The following PRKCA variants were observed in gnomAD, a reference collection of about 807,000 sequenced individuals.
PRKCA encodes protein kinase C alpha type.
A neutral mutation model predicts 87.0 loss-of-function variants in PRKCA; 27 were observed. The observed-to-expected ratio is 0.31, with a 90% CI of 0.23 to 0.43. PRKCA has a LOEUF of 0.43. Among genes scored for constraint, PRKCA ranks in the 20% least tolerant of loss-of-function variants. PRKCA has a pLI of 1.00. For synonymous variants in PRKCA, 329 were observed against 311.1 expected, an observed-to-expected ratio of 1.06 and a Z score of -0.61; for missense variants, 518 against 852.3, an observed-to-expected ratio of 0.61 and a Z score of 4.88.
At chr17:66,581,662 A>G (rs961186722) in intron 3 of PRKCA, among the ~76,000 whole-genome samples, 7 of 152,058 alleles carry the variant, frequency 4.6e-5, no homozygotes, top group African/African-American at 1.4e-4. Context: ...TTTTTAATAG[A>G]GATAGGGTTT....
intron 14 of PRKCA, among the ~76,000 whole-genome samples, chr17:66,782,415 G>A (rs1005749790): frequency 6.6e-6 from 1 of 152,132 alleles, no homozygotes; most frequent in South Asian, 2.1e-4. Flanking sequence ...CTATACCCAA[G>A]AACAGCCCCC....
At chr17:66,705,774 A>G (rs1973177421) in intron 8 of PRKCA, among the ~76,000 whole-genome samples, 1 of 152,210 alleles carries the variant, frequency 6.6e-6, no homozygotes, top group Non-Finnish European at 1.5e-5. Context: ...TGGCACTAGC[A>G]TGAACATGGC....
chr17:66,586,354 T>C (rs541624221), intron 3 of PRKCA, among the ~76,000 whole-genome samples: 2 of 152,226 alleles, frequency 1.3e-5, no homozygotes, highest in African/African-American at 4.8e-5. Context: ...AACTATTAAC[T>C]GAAAGATCTT....
At chr17:66,722,170 A>G (rs1173177452) in intron 8 of PRKCA, among the ~76,000 whole-genome samples, 2 of 152,252 alleles carry the variant, frequency 1.3e-5, no homozygotes, top group Non-Finnish European at 2.9e-5. Flanking sequence ...CTGATTTTCC[A>G]TATAGTGTAT....
intron 8 of PRKCA, among the ~76,000 whole-genome samples, chr17:66,702,386 C>T (rs533934328): frequency 6.6e-6 from 1 of 152,190 alleles, no homozygotes; most frequent in Non-Finnish European, 1.5e-5. Flanking sequence ...GTCAAACTCA[C>T]AGAAACAGAA....
chr17:66,484,541 A>C (rs933572140), intron 2 of PRKCA, among the ~76,000 whole-genome samples: 3 of 152,210 alleles, frequency 2.0e-5, no homozygotes, highest in Non-Finnish European at 4.4e-5. Context: ...TTTTCTGACC[A>C]GCTCTTTGTC....
At chr17:66,417,422 A>G (rs1370631313) in intron 2 of PRKCA, among the ~76,000 whole-genome samples, 1 of 152,020 alleles carries the variant, frequency 6.6e-6, no homozygotes, top group Non-Finnish European at 1.5e-5. Flanking sequence ...CTGGATTATC[A>G]TCTTTGGTTC....
intron 2 of PRKCA, among the ~76,000 whole-genome samples, chr17:66,476,378 G>A (rs2099478429): frequency 6.6e-6 from 1 of 152,202 alleles, no homozygotes; most frequent in African/African-American, 2.4e-5. Flanking sequence ...AGCACTTCCT[G>A]CCACTGTCCT....
intron 2 of PRKCA, among the ~76,000 whole-genome samples, chr17:66,482,183 C>G (rs7212766): frequency 0.53 from 80,212 of 150,838 alleles, 23,095 homozygotes; most frequent in African/African-American, 0.76. Context: ...TAGAAGGATA[C>G]ATGTGGGTCT....
intron 2 of PRKCA, among the ~76,000 whole-genome samples, chr17:66,367,944 T>C (rs1463348445): frequency 6.6e-6 from 1 of 152,200 alleles, no homozygotes; most frequent in African/African-American, 2.4e-5. Flanking sequence ...ATGAATTCCC[T>C]GTGTTTATAA....
intron 13 of PRKCA, among the ~76,000 whole-genome samples, chr17:66,771,396 G>A (rs1974930335): frequency 6.6e-6 from 1 of 152,156 alleles, no homozygotes; most frequent in Non-Finnish European, 1.5e-5. Context: ...TGCAGAAATA[G>A]TCAAAGGTCT....
chr17:66,451,493 A>G (rs1037405621), intron 2 of PRKCA, among the ~76,000 whole-genome samples: 2 of 152,196 alleles, frequency 1.3e-5, no homozygotes, highest in Non-Finnish European at 2.9e-5. Context: ...GCTCTTTCAC[A>G]GAATGATATG....
chr17:66,549,173 G>A, intron 3 of PRKCA, among the ~76,000 whole-genome samples: 1 of 150,170 alleles, frequency 6.7e-6, no homozygotes, highest in Non-Finnish European at 1.5e-5. Context: ...ATAACCACAG[G>A]AAGTCCATGC....
At chr17:66,493,200 TA>T (rs1364376838) in intron 2 of PRKCA, among the ~76,000 whole-genome samples, 1 of 152,180 alleles carries the variant, frequency 6.6e-6, no homozygotes, top group Non-Finnish European at 1.5e-5. Flanking sequence ...GAAAACCCTT[TA>T]AAAAGAATTA....
At chr17:66,407,186 T>C (rs1011823881) in intron 2 of PRKCA, among the ~76,000 whole-genome samples, 2 of 152,144 alleles carry the variant, frequency 1.3e-5, no homozygotes, top group East Asian at 1.9e-4. Context: ...TTAAAAAGGT[T>C]TGGATCTGTG....
intron 14 of PRKCA, among the ~76,000 whole-genome samples, chr17:66,781,814 A>G (rs1430723022): frequency 1.3e-5 from 2 of 151,608 alleles, no homozygotes; most frequent in Non-Finnish European, 2.9e-5. Flanking sequence ...GCCACAGTAC[A>G]GTGCACTTAA....
chr17:66,641,485 C>G lies in PRKCA; in HGVS notation c.400+19C>G. 1 of 1,577,394 alleles carries G rather than the reference C, an allele frequency of 6.3e-7. No homozygotes were observed. The highest frequency in any genetic ancestry group is 8.7e-7 in the Non-Finnish European group (1 of 1,150,146). Reference sequence around the variant, plus strand: ...TGTGACAGTAAGTAAGTTTTCTTTTCCAGTTCATAGCGAGGCTCTGTAGCT... The same window carrying G: ...TGTGACAGTAAGTAAGTTTTCTTTTGCAGTTCATAGCGAGGCTCTGTAGCT... On this transcript the variant is annotated intron_variant, in intron 4 of 16. Coordinates refer to ENST00000413366, the MANE Select transcript of PRKCA (RefSeq NM_002737.3).
At chr17:66,662,327 C>T (rs533383779) in intron 5 of PRKCA, among the ~76,000 whole-genome samples, 5 of 152,176 alleles carry the variant, frequency 3.3e-5, no homozygotes, top group Non-Finnish European at 5.9e-5. Flanking sequence ...GACCTTGACT[C>T]ATGGGCTCTA....
intron 2 of PRKCA, among the ~76,000 whole-genome samples, chr17:66,473,217 G>A (rs146934788): frequency 8.5e-5 from 13 of 152,274 alleles, no homozygotes; most frequent in Admixed American, 3.3e-4. Context: ...TTGTAGCTCT[G>A]GTGCTTGTAC....
Sources: gnomAD v4.1 joint callset for allele counts (sites outside exome capture counted in the v4.1 genomes callset) on GRCh38, gnomAD v4.1.1 for gene constraint, MANE v1.5 for transcripts, NCBI Gene and HGNC (gene_info 2026-07-23, HGNC 2026-07-21) for gene names.